Variants in KLHL32 observed in about 807,000 individuals in gnomAD.
KLHL32 encodes kelch-like protein 32.
A neutral mutation model predicts 64.8 loss-of-function variants in KLHL32; 35 were observed. That is an observed-to-expected ratio of 0.54 (90% CI 0.41 to 0.72). The LOEUF (loss-of-function observed/expected upper bound fraction) is 0.72, where lower values mean the gene tolerates loss of function less well. Among genes scored for constraint, KLHL32 ranks in the 30% least tolerant of loss-of-function variants. KLHL32 has a pLI of 0.00. For missense variants in KLHL32, 589 were observed against 768.5 expected (o/e 0.77, Z 2.76); for synonymous variants, 259 against 281.0 (o/e 0.92, Z 0.78).
the KLHL32 span, among the ~76,000 whole-genome samples, chr6:96,913,051 A>C: frequency 6.6e-6 from 1 of 152,238 alleles, no homozygotes; most frequent in Non-Finnish European, 1.5e-5. Flanking sequence ...GTTTCTGCTA[A>C]GTCACCACTT....
Position 97,118,196 on chromosome 6 carries a change from A to G in KLHL32, c.1354+3687A>G, listed in dbSNP as rs994594731. Among the ~76,000 whole-genome samples, 12 of 152,352 alleles carry G rather than the reference A, an allele frequency of 7.9e-5. 1 individual carries two copies. The highest frequency in any genetic ancestry group is 5.9e-4 in the Admixed American group (9 of 15,308). On this transcript the variant is annotated intron_variant, in intron 7 of 10. Transcript: ENST00000369261. ...CATTGCCCCATTTTAAATAACTTCA[A>G]TTTATTCAAAGCTACTAACAGGACT...
chr6:97,095,106 A>C (rs1363897505), intron 6 of KLHL32, among the ~76,000 whole-genome samples: 1 of 152,250 alleles, frequency 6.6e-6, no homozygotes, highest in African/African-American at 2.4e-5. Context: ...ATTGACTATA[A>C]GTCAGCCAAT....
chr6:97,120,717 C>T (rs13197900), intron 7 of KLHL32, among the ~76,000 whole-genome samples: 4,784 of 152,188 alleles, frequency 0.031, 89 homozygotes, highest in Middle Eastern at 0.071. Flanking sequence ...TCCCTGGAGG[C>T]GGCCATGATG....
chr6:97,132,715 A>T lies in KLHL32; in HGVS notation c.1669A>T (p.Ile557Phe). ...GRIYLVGGYSIWTNEPLACIQ... is the reference protein window; with the variant it reads ...GRIYLVGGYSFWTNEPLACIQ... ...AATATATTTAGTTGGTGGATATTCA[A>T]TTTGGACAAATGAGCCTCTGGCTTG... The change falls in exon 10 of 11, where the codon ATT becomes TTT. Residue 557 changes from isoleucine (I) to phenylalanine (F), a missense_variant. By Grantham distance (21) the Ile-to-Phe change is conservative. Coordinates refer to ENST00000369261, the MANE Select transcript of KLHL32 (RefSeq NM_052904.4). 1.2e-6 allele frequency: 2 copies of T among 1,613,260 alleles called. No individual in the cohort carries two copies. Among genetic ancestry groups the T allele is most frequent in the Non-Finnish European group, 1.7e-6 (2 of 1,179,502 alleles).
intron 3 of KLHL32, among the ~76,000 whole-genome samples, chr6:96,998,658 A>G (rs1778673241): frequency 6.6e-6 from 1 of 152,202 alleles, no homozygotes; most frequent in African/African-American, 2.4e-5. Context: ...CTGCCCTGTG[A>G]TTAATTACTT....
At chr6:96,949,814 C>G (rs1367183124) in intron 1 of KLHL32, among the ~76,000 whole-genome samples, 2 of 152,010 alleles carry the variant, frequency 1.3e-5, no homozygotes, top group African/African-American at 2.4e-5. Flanking sequence ...AGTAGTAAAA[C>G]TAAGGAAGGG....
chr6:97,058,563 T>C (rs767285207), intron 4 of KLHL32, among the ~76,000 whole-genome samples: 188 of 152,358 alleles, frequency 1.2e-3, no homozygotes, highest in Middle Eastern at 3.4e-3. Flanking sequence ...GCCATAAAAA[T>C]TTAATTTCCC....
At chr6:96,934,524 A>G (rs1414229546) in intron 1 of KLHL32, among the ~76,000 whole-genome samples, 1 of 152,256 alleles carries the variant, frequency 6.6e-6, no homozygotes, top group Non-Finnish European at 1.5e-5. Flanking sequence ...GGACATTTAA[A>G]CAACACAAAC....
chr6:96,934,662 A>C (rs538352951), intron 1 of KLHL32, among the ~76,000 whole-genome samples: 2 of 152,394 alleles, frequency 1.3e-5, no homozygotes, highest in South Asian at 4.1e-4. Flanking sequence ...GGATTGCTGC[A>C]GAGAGCAGCT....
intron 4 of KLHL32, among the ~76,000 whole-genome samples, chr6:97,061,500 G>A (rs1419089393): frequency 6.6e-6 from 1 of 152,114 alleles, no homozygotes; most frequent in Non-Finnish European, 1.5e-5. Context: ...GATGTGTCAG[G>A]CCACTCACAT....
At chr6:96,967,787 A>G (rs1774629590) in intron 2 of KLHL32, among the ~76,000 whole-genome samples, 2 of 152,180 alleles carry the variant, frequency 1.3e-5, no homozygotes, top group African/African-American at 4.8e-5. Context: ...AAGGAAAAGT[A>G]CAGGATAGAT....
intron 3 of KLHL32, among the ~76,000 whole-genome samples, chr6:96,977,364 G>A (rs1775823540): frequency 6.6e-6 from 1 of 152,188 alleles, no homozygotes; most frequent in South Asian, 2.1e-4. Flanking sequence ...GAGTGTGATA[G>A]TCTGCTTCAT....
At chr6:97,135,866 A>G (rs1313760295) in intron 10 of KLHL32, among the ~76,000 whole-genome samples, 4 of 152,318 alleles carry the variant, frequency 2.6e-5, no homozygotes, top group South Asian at 2.1e-4. Context: ...GAATAGCTAC[A>G]TGTTCAAAAG....
intron 3 of KLHL32, among the ~76,000 whole-genome samples, chr6:97,019,121 T>TA (rs536498828): frequency 1.3e-5 from 2 of 152,122 alleles, no homozygotes; most frequent in East Asian, 1.9e-4. Context: ...CTTGCAATTG[T>TA]AAAAAATACT....
rs1045960829 is a variant in KLHL32 at position 97,139,356 on chromosome 6, C to T, written c.*74C>T. 8 of 1,259,654 alleles carry T rather than the reference C, an allele frequency of 6.4e-6. No homozygotes were observed. The highest frequency in any genetic ancestry group is 6.7e-6 in the Non-Finnish European group (6 of 897,970). The allele number at this position is 1,259,654 out of a possible 1,614,324, so 78.0% of individuals were successfully genotyped here. On this transcript the variant is annotated 3_prime_UTR_variant, in exon 11 of 11. Transcript: ENST00000369261. ...ATACTGGGCATGAAAAGACTCAGTG[C>T]TCCATGCTTCCTTGTCTTGCTTTAT... is the stretch of plus-strand genomic sequence containing the variant.
At chr6:96,935,780 TAAAAG>T (rs1401944152) in intron 1 of KLHL32, among the ~76,000 whole-genome samples, 4 of 152,162 alleles carry the variant, frequency 2.6e-5, no homozygotes, top group South Asian at 2.1e-4. Context: ...AATTTAGAAT[TAAAAG>T]AAAGGAAAAT....
intron 1 of KLHL32, among the ~76,000 whole-genome samples, chr6:96,927,383 A>G (rs1769292430): frequency 6.6e-6 from 1 of 152,236 alleles, no homozygotes; most frequent in Non-Finnish European, 1.5e-5. Context: ...ATGCCAAAGG[A>G]ATGAAAACAT....
chr6:97,067,961 T>A (rs1338526890), intron 5 of KLHL32, among the ~76,000 whole-genome samples: 1 of 151,912 alleles, frequency 6.6e-6, no homozygotes, highest in African/African-American at 2.4e-5. Flanking sequence ...AGCCTCTCAG[T>A]CCCCTTTAGA....
intron 7 of KLHL32, among the ~76,000 whole-genome samples, chr6:97,124,896 A>G (rs952042219): frequency 3.3e-5 from 5 of 152,336 alleles, no homozygotes; most frequent in African/African-American, 4.8e-5. Context: ...AAGAAAGGGA[A>G]GGTTGGGAGT....
Sources: gnomAD v4.1 joint callset for allele counts (sites outside exome capture counted in the v4.1 genomes callset) on GRCh38, gnomAD v4.1.1 for gene constraint, MANE v1.5 for transcripts, NCBI Gene and HGNC (gene_info 2026-07-23, HGNC 2026-07-21) for gene names.